The following DMD variants were observed in gnomAD, a reference collection of about 807,000 sequenced individuals.
DMD encodes the protein dystrophin.
In DMD, 63 loss-of-function variants were observed where a neutral mutation model predicts 330.1. The observed-to-expected ratio is 0.19, with a 90% CI of 0.16 to 0.24. DMD has a LOEUF of 0.24. DMD is among the 10% of genes least tolerant of loss of function. The pLI is 1.00. For synonymous variants in DMD, 1,223 were observed against 959.8 expected, an observed-to-expected ratio of 1.27 and a Z score of -5.07; for missense variants, 3,344 against 2,684.1, an observed-to-expected ratio of 1.25 and a Z score of -5.43.
chrX:31,924,284 C>T (rs183245970), intron 47 of DMD, among the ~76,000 whole-genome samples: 3 of 111,955 alleles, frequency 2.7e-5, no homozygotes, highest in African/African-American at 6.5e-5. Flanking sequence ...AGCAAGGAGT[C>T]GGAAAGCCAA....
chrX:31,140,645 T>C (rs1324598848), intron 76 of DMD, among the ~76,000 whole-genome samples: 1 of 112,631 alleles, frequency 8.9e-6, no homozygotes, highest in African/African-American at 3.2e-5. Context: ...GATTATTAGC[T>C]GATCAGTTGT....
At chrX:31,770,966 T>C (rs1368428133) in intron 51 of DMD, among the ~76,000 whole-genome samples, 1 of 112,050 alleles carries the variant, frequency 8.9e-6, no homozygotes, top group Non-Finnish European at 1.9e-5. Context: ...AGGTACTTAG[T>C]GGCAGCTCAA....
intron 2 of DMD, among the ~76,000 whole-genome samples, chrX:32,934,363 T>C (rs758578412): frequency 9.0e-6 from 1 of 110,746 alleles, no homozygotes; most frequent in East Asian, 2.9e-4. Context: ...GAGATCAGCC[T>C]GGGCAACAAA....
At chrX:31,577,182 C>T (rs1180507708) in intron 55 of DMD, among the ~76,000 whole-genome samples, 1 of 112,461 alleles carries the variant, frequency 8.9e-6, no homozygotes, top group Non-Finnish European at 1.9e-5. Context: ...AAATGTATTG[C>T]AATCACATTA....
intron 16 of DMD, among the ~76,000 whole-genome samples, chrX:32,565,219 T>C (rs2051549490): frequency 9.0e-6 from 1 of 111,618 alleles, no homozygotes; most frequent in Admixed American, 9.6e-5. Context: ...AAAGGTACAA[T>C]AGTCAGATAA....
At chrX:32,020,913 T>C (rs1194427289) in intron 44 of DMD, among the ~76,000 whole-genome samples, 2 of 112,482 alleles carry the variant, frequency 1.8e-5, no homozygotes, top group African/African-American at 3.2e-5. Context: ...TTAGCTCATT[T>C]AGATTGGCTC....
At chrX:31,744,603 T>C (rs1010124034) in intron 51 of DMD, among the ~76,000 whole-genome samples, 2 of 112,123 alleles carry the variant, frequency 1.8e-5, no homozygotes, top group African/African-American at 3.2e-5. Context: ...ATACAGCAAA[T>C]TGAATCATAA....
intron 62 of DMD, among the ~76,000 whole-genome samples, chrX:31,317,651 A>G (rs1044622598): frequency 9.2e-6 from 1 of 108,677 alleles, no homozygotes; most frequent in Non-Finnish European, 1.9e-5. Context: ...AGCTGGGACT[A>G]CAGGCGCCCG....
At chrX:32,027,684 T>G (rs1049164426) in intron 44 of DMD, among the ~76,000 whole-genome samples, 3 of 112,193 alleles carry the variant, frequency 2.7e-5, no homozygotes, top group Non-Finnish European at 5.6e-5. Flanking sequence ...TTCACAAAAG[T>G]TATGTCATTT....
At chrX:32,604,933 C>A (rs895968308) in intron 12 of DMD, among the ~76,000 whole-genome samples, 1 of 110,834 alleles carries the variant, frequency 9.0e-6, no homozygotes, top group Non-Finnish European at 1.9e-5. Flanking sequence ...ACTTTCCCTG[C>A]TCATGGATTG....
intron 12 of DMD, among the ~76,000 whole-genome samples, chrX:32,599,452 C>T (rs1160538329): frequency 9.0e-6 from 1 of 111,519 alleles, no homozygotes; most frequent in Non-Finnish European, 1.9e-5. Flanking sequence ...AAATAATATG[C>T]TAAAGTGTTG....
chrX:33,097,607 CTTTTTT>C (rs5902054), intron 1 of DMD, among the ~76,000 whole-genome samples: 1 of 59,618 alleles, frequency 1.7e-5, no homozygotes, highest in Non-Finnish European at 2.8e-5. Context: ...ACATGAGACT[CTTTTTT>C]TTTTTTTTTT....
chrX:31,403,308 A>G (rs1321393212), intron 60 of DMD, among the ~76,000 whole-genome samples: 2 of 111,990 alleles, frequency 1.8e-5, no homozygotes, highest in African/African-American at 6.5e-5. Context: ...CTTTCTGATG[A>G]GAGCATGTAG....
chrX:32,179,821 T>C (rs1324194696), intron 44 of DMD, among the ~76,000 whole-genome samples: 1 of 111,478 alleles, frequency 9.0e-6, no homozygotes, highest in Non-Finnish European at 1.9e-5. Context: ...CTGATGGTTT[T>C]ATAAAGGGCA....
intron 73 of DMD, among the ~76,000 whole-genome samples, chrX:31,171,807 C>T (rs1297324239): frequency 8.9e-6 from 1 of 111,775 alleles, no homozygotes; most frequent in Non-Finnish European, 1.9e-5. Context: ...TGAATTGGTA[C>T]TTCTCCTCTG....
intron 55 of DMD, among the ~76,000 whole-genome samples, chrX:31,618,755 C>T (rs1382728621): frequency 4.5e-5 from 5 of 111,484 alleles, no homozygotes; most frequent in South Asian, 3.7e-4. Context: ...AATTTTTGAG[C>T]GCCGACATGA....
chrX:31,192,096 C>A (rs1198847492), intron 67 of DMD, among the ~76,000 whole-genome samples: 2 of 112,175 alleles, frequency 1.8e-5, no homozygotes, highest in Non-Finnish European at 3.8e-5. Context: ...ACCTCTAAAT[C>A]TACCAAGGGC....
chrX:31,689,341 C>T (rs1356320223), intron 52 of DMD, among the ~76,000 whole-genome samples: 5 of 111,582 alleles, frequency 4.5e-5, no homozygotes, highest in African/African-American at 1.6e-4. Flanking sequence ...AAACAGAGAG[C>T]CAAATCATGA....
At position 31,943,878 on chromosome X, in the gene DMD, TGAGAGAGAGA is replaced by T. The variant is rs536982335; in HGVS notation, c.6615-11661_6615-11652del. On this transcript the variant is annotated intron_variant, in intron 45 of 78. Coordinates refer to ENST00000357033, the MANE Select transcript of DMD (RefSeq NM_004006.3). Reference sequence around the variant, plus strand: ...CGGAAACCCGAAGTTCCCCAGAGAGTGAGAGAGAGAGAGAGAGAGAGAGAGAGAGAGAGAG... The same window carrying T: ...CGGAAACCCGAAGTTCCCCAGAGAGTGAGAGAGAGAGAGAGAGAGAGAGAG... Among the ~76,000 whole-genome samples, 587 of 74,462 alleles carry T rather than the reference TGAGAGAGAGA, an allele frequency of 7.9e-3. 2 individuals are homozygous for T. Among genetic ancestry groups the T allele is most frequent in the Non-Finnish European group, 9.6e-3 (374 of 38,858 alleles). The allele number at this position is 74,462 out of a possible 115,157, so 64.7% of individuals were successfully genotyped here. A position where few individuals can be genotyped will look rare whatever the true frequency, so the allele number is the denominator to read the frequency against.
Sources: gnomAD v4.1 joint callset for allele counts (sites outside exome capture counted in the v4.1 genomes callset) on GRCh38, gnomAD v4.1.1 for gene constraint, MANE v1.5 for transcripts, NCBI Gene and HGNC (gene_info 2026-07-23, HGNC 2026-07-21) for gene names.